CPO: variants seen among roughly 807,000 people sequenced by gnomAD.
The protein encoded by CPO is carboxypeptidase O.
A neutral mutation model predicts 41.2 loss-of-function variants in CPO; 43 were observed. The observed-to-expected ratio is 1.04, with a 90% CI of 0.82 to 1.35. The LOEUF (loss-of-function observed/expected upper bound fraction) is 1.35. Among genes scored for constraint, CPO ranks in the 40% most tolerant of loss-of-function variants. The probability of loss-of-function intolerance (pLI) is 0.00; values close to 1 mark genes in which losing one functional copy is unlikely to be tolerated. For synonymous variants in CPO, 178 were observed against 162.7 expected (o/e 1.09, Z -0.72); for missense variants, 408 against 451.7 (o/e 0.90, Z 0.88).
chr2:206,969,269 G>T lies in CPO; in HGVS notation c.958G>T (p.Val320Phe), dbSNP rs138211170. ...ELRDSGTYGF[V>F]LPEAQIQPTC... ...GAGGGACAGTGGAACATATGGGTTT[G>T]TTCTGCCAGAAGCTCAGATCCAGCC... is the stretch of plus-strand genomic sequence containing the variant. Residue 320 changes from valine to phenylalanine, a missense_variant, in exon 9 of 9, where the codon GTT becomes TTT. Val to Phe is a conservative substitution (Grantham distance 50, BLOSUM62 -1). Transcript: ENST00000272852. 162 of 1,614,150 alleles carry T rather than the reference G, an allele frequency of 1.0e-4. No individual in the cohort carries two copies. The African/African-American group carries it at 1.7e-3, about 17-fold the overall frequency.
At chr2:206,942,819 G>T (rs1693053961) in intron 1 of CPO, among the ~76,000 whole-genome samples, 1 of 152,130 alleles carries the variant, frequency 6.6e-6, no homozygotes, top group Non-Finnish European at 1.5e-5. Flanking sequence ...TAAGTATATG[G>T]TTTAAGCATT....
intron 2 of CPO, among the ~76,000 whole-genome samples, chr2:206,953,104 G>C (rs1055006057): frequency 1.3e-5 from 2 of 152,086 alleles, no homozygotes; most frequent in African/African-American, 4.8e-5. Context: ...TTTTGAGAGG[G>C]GACACAACCA....
chr2:206,962,306 G>A, intron 6 of CPO, 106 bp from the exon 7 acceptor site: 1 of 955,856 alleles, frequency 1.0e-6, no homozygotes, highest in Non-Finnish European at 1.6e-6. Context: ...CCAAGGGCAA[G>A]CGCTGATTCT....
chr2:206,953,295 A>C lies in CPO; in HGVS notation c.166-2168A>C, dbSNP rs138006590. 5.2e-3 allele frequency among the ~76,000 whole-genome samples: 785 copies of C among 152,340 alleles called. 8 individuals carry two copies. The highest frequency in any genetic ancestry group is 0.018 in the African/African-American group (753 of 41,574). On this transcript the variant is annotated intron_variant, in intron 2 of 8. Transcript: ENST00000272852. ...TTCCACCTATAAGCCTGTAAAATCA[A>C]AAGCAAGTTAGTTACTTCCTAGATA...
intron 1 of CPO, among the ~76,000 whole-genome samples, chr2:206,944,000 T>C (rs1044159748): frequency 6.6e-6 from 1 of 152,112 alleles, no homozygotes; most frequent in Non-Finnish European, 1.5e-5. Flanking sequence ...TGACAAAGTT[T>C]TTTTGCTTTT....
intron 5 of CPO, among the ~76,000 whole-genome samples, chr2:206,960,356 C>T (rs1416111239): frequency 1.3e-5 from 2 of 152,108 alleles, no homozygotes; most frequent in Admixed American, 6.5e-5. Context: ...GTGTGTGAAT[C>T]GAGTTTTCCC....
chr2:206,965,613 A>G (rs1693557919), intron 7 of CPO, among the ~76,000 whole-genome samples: 2 of 151,990 alleles, frequency 1.3e-5, no homozygotes, highest in South Asian at 2.1e-4. Flanking sequence ...CTTTGTATCA[A>G]CCTCTGTACT....
At chr2:206,966,598 C>T (rs564677317) in intron 7 of CPO, among the ~76,000 whole-genome samples, 2 of 152,186 alleles carry the variant, frequency 1.3e-5, no homozygotes, top group Admixed American at 1.3e-4. Context: ...ATTAAATCAG[C>T]GTTTTTAGCC....
intron 8 of CPO, 87 bp downstream of exon 8, chr2:206,968,434 A>T: frequency 3.9e-6 from 3 of 764,322 alleles, no homozygotes; most frequent in Non-Finnish European, 2.3e-6. Context: ...CGGGAGAGGA[A>T]CAGAAGAGTT....
At chr2:206,944,874 T>G (rs1693114730) in intron 1 of CPO, among the ~76,000 whole-genome samples, 3 of 152,132 alleles carry the variant, frequency 2.0e-5, no homozygotes, top group Admixed American at 2.0e-4. Context: ...TAGATATGAC[T>G]GGAACTTGCA....
chr2:206,965,127 C>T (rs1693548241), intron 7 of CPO, among the ~76,000 whole-genome samples: 1 of 152,178 alleles, frequency 6.6e-6, no homozygotes, highest in African/African-American at 2.4e-5. Context: ...GCACTATATA[C>T]AGAAACCAGT....
intron 7 of CPO, among the ~76,000 whole-genome samples, chr2:206,964,047 C>A (rs561090001): frequency 6.6e-6 from 1 of 152,156 alleles, no homozygotes; most frequent in African/African-American, 2.4e-5. Context: ...TCTTTCTATG[C>A]AAATGCTGAG....
At chr2:206,955,898 T>C (rs1009156132) in intron 3 of CPO, among the ~76,000 whole-genome samples, 2 of 152,176 alleles carry the variant, frequency 1.3e-5, no homozygotes, top group Admixed American at 6.5e-5. Flanking sequence ...TAAGTTGTTA[T>C]TTTGTTTATA....
At chr2:206,942,110 G>C (rs953097070) in intron 1 of CPO, among the ~76,000 whole-genome samples, 1 of 152,070 alleles carries the variant, frequency 6.6e-6, no homozygotes, top group Non-Finnish European at 1.5e-5. Flanking sequence ...TTAAATAAAT[G>C]ATACTATGTA....
intron 1 of CPO, among the ~76,000 whole-genome samples, chr2:206,944,058 A>C (rs1693095934): frequency 6.6e-6 from 1 of 152,086 alleles, no homozygotes; most frequent in Non-Finnish European, 1.5e-5. Context: ...ATTCTGCAAG[A>C]AATAAATCTT....
At chr2:206,959,948 G>C (rs1390246670) in intron 5 of CPO, among the ~76,000 whole-genome samples, 1 of 152,136 alleles carries the variant, frequency 6.6e-6, no homozygotes, top group Non-Finnish European at 1.5e-5. Flanking sequence ...GGCCTTTTTA[G>C]AGTTGAAGTC....
intron 2 of CPO, 68 bp downstream of exon 2, chr2:206,949,781 T>C: frequency 1.0e-6 from 1 of 972,886 alleles, no homozygotes; most frequent in Non-Finnish European, 1.7e-6. Flanking sequence ...CAAAGAATGG[T>C]TCACTAGTAA....
chr2:206,958,792 A>G (rs1015371842), intron 4 of CPO, among the ~76,000 whole-genome samples: 4 of 115,688 alleles, frequency 3.5e-5, no homozygotes, highest in African/African-American at 1.4e-4. Flanking sequence ...CCCAGGCTGG[A>G]GTGTAATGGC....
intron 6 of CPO, 90 bp from the exon 7 acceptor site, chr2:206,962,322 C>T (rs1693495335): frequency 1.2e-5 from 14 of 1,135,500 alleles, no homozygotes; most frequent in Non-Finnish European, 1.7e-5. Context: ...ATTCTACTCA[C>T]AGAGGCCCTG....
Sources: allele counts gnomAD v4.1 joint callset (sites outside exome capture counted in the v4.1 genomes callset), GRCh38; gene constraint gnomAD v4.1.1; transcripts MANE v1.5; gene names NCBI Gene and HGNC (gene_info 2026-07-23, HGNC 2026-07-21).